Variants in XIRP2 observed in about 807,000 individuals in gnomAD.
The protein encoded by XIRP2 is xin actin binding repeat containing 2, also known as xin actin-binding repeat-containing protein 2.
A neutral mutation model predicts 277.0 loss-of-function variants in XIRP2; 236 were observed. That is an observed-to-expected ratio of 0.85 (90% confidence interval 0.77 to 0.95). The LOEUF is 0.95. XIRP2 is among the 40% of genes least tolerant of loss of function. The pLI is 0.00. For synonymous variants in XIRP2, 1,490 were observed against 1,416.5 expected (o/e 1.05, Z -1.17); for missense variants, 4,640 against 4,157.5 (o/e 1.12, Z -3.19).
intron 2 of XIRP2, among the ~76,000 whole-genome samples, chr2:167,061,498 G>T (rs1689173256): frequency 1.3e-5 from 2 of 151,886 alleles, no homozygotes; most frequent in Admixed American, 6.6e-5. Flanking sequence ...ATTTACCCTA[G>T]GTTGCTTAAT....
At chr2:167,000,778 G>T (rs1370874882) in intron 2 of XIRP2, among the ~76,000 whole-genome samples, 1 of 151,988 alleles carries the variant, frequency 6.6e-6, no homozygotes, top group African/African-American at 2.4e-5. Flanking sequence ...GGACATTACT[G>T]TGCACTTTTG....
intron 3 of XIRP2, among the ~76,000 whole-genome samples, chr2:167,195,232 G>A (rs1289157454): frequency 6.6e-6 from 1 of 152,124 alleles, no homozygotes; most frequent in Non-Finnish European, 1.5e-5. Flanking sequence ...TACACTTTCT[G>A]TTATCCTTGG....
chr2:167,147,843 C>G (rs75138337), intron 3 of XIRP2, among the ~76,000 whole-genome samples: 15,117 of 151,968 alleles, frequency 0.099, 802 homozygotes, highest in South Asian at 0.15. Context: ...AGGCTGGACA[C>G]GGGGATTTAA....
At chr2:166,927,178 T>C (rs1413126807) in intron 2 of XIRP2, among the ~76,000 whole-genome samples, 2 of 152,054 alleles carry the variant, frequency 1.3e-5, no homozygotes, top group African/African-American at 4.8e-5. Flanking sequence ...ATTAAAGAAA[T>C]AGACAAAGTC....
At chr2:166,930,418 T>C (rs754525771) in intron 2 of XIRP2, among the ~76,000 whole-genome samples, 17 of 152,136 alleles carry the variant, frequency 1.1e-4, no homozygotes, top group Non-Finnish European at 1.9e-4. Context: ...TATCCTATTA[T>C]ATCTACTAGT....
chr2:166,903,689 G>A lies in XIRP2; in HGVS notation c.207G>A (p.Glu69=). ...GTCTGCCCTACAGTACAGGGGAAGA[G>A]ATGTGGAGTTCGAAGCCGGAAGAGA... ...PTSLPYSTGE[E]MWSSKPEEKD... Residue 69 remains glutamate (E), a synonymous_variant, in exon 2 of 11, where the codon GAG becomes GAA. Coordinates refer to ENST00000409195, the MANE Select transcript of XIRP2 (RefSeq NM_152381.6). 1 of 1,613,678 alleles carries A rather than the reference G, an allele frequency of 6.2e-7. No homozygotes were observed. The highest frequency in any genetic ancestry group is 8.5e-7 in the Non-Finnish European group (1 of 1,179,800).
At chr2:166,974,381 C>T (rs980057566) in intron 2 of XIRP2, among the ~76,000 whole-genome samples, 8 of 152,062 alleles carry the variant, frequency 5.3e-5, no homozygotes, top group African/African-American at 1.9e-4. Context: ...ATATAGAACA[C>T]TACTATTTTT....
chr2:166,914,516 A>T (rs1684809379), intron 2 of XIRP2, among the ~76,000 whole-genome samples: 1 of 151,694 alleles, frequency 6.6e-6, no homozygotes, highest in African/African-American at 2.4e-5. Context: ...AATTTTTTGT[A>T]TTTTTAGTAG....
At chr2:166,947,422 A>C (rs1235300655) in intron 2 of XIRP2, among the ~76,000 whole-genome samples, 1 of 152,212 alleles carries the variant, frequency 6.6e-6, no homozygotes, top group African/African-American at 2.4e-5. Context: ...CCTCAAATGC[A>C]GAATATGGCA....
chr2:167,200,628 T>A (rs910897048), intron 3 of XIRP2, among the ~76,000 whole-genome samples: 1 of 152,234 alleles, frequency 6.6e-6, no homozygotes, highest in Non-Finnish European at 1.5e-5. Flanking sequence ...CCTGTTATAT[T>A]TATCTTTTTA....
chr2:166,913,733 T>C (rs894264250), intron 2 of XIRP2, among the ~76,000 whole-genome samples: 1 of 152,190 alleles, frequency 6.6e-6, no homozygotes, highest in East Asian at 1.9e-4. Flanking sequence ...GGGAAATAGA[T>C]ACTAGGAGAA....
chr2:166,974,708 G>C (rs1399699669), intron 2 of XIRP2, among the ~76,000 whole-genome samples: 1 of 151,820 alleles, frequency 6.6e-6, no homozygotes, highest in African/African-American at 2.4e-5. Context: ...AAATGAATCA[G>C]TATAGGAGTA....
chr2:166,920,476 T>C (rs977052595), intron 2 of XIRP2, among the ~76,000 whole-genome samples: 1 of 152,112 alleles, frequency 6.6e-6, no homozygotes, highest in South Asian at 2.1e-4. Context: ...TTCTTAAACA[T>C]TGAGTGTCCC....
chr2:167,064,363 A>C (rs1011616857), intron 2 of XIRP2, among the ~76,000 whole-genome samples: 5 of 151,916 alleles, frequency 3.3e-5, no homozygotes, highest in African/African-American at 1.2e-4. Context: ...TATATGCCGC[A>C]TAAGAATTTT....
At chr2:167,229,296 A>G (rs1478658669) in intron 5 of XIRP2, among the ~76,000 whole-genome samples, 1 of 152,150 alleles carries the variant, frequency 6.6e-6, no homozygotes, top group Non-Finnish European at 1.5e-5. Context: ...CTTTTTGTAT[A>G]ATTATATAAA....
chr2:167,098,644 C>A (rs573791512), intron 2 of XIRP2, among the ~76,000 whole-genome samples: 2 of 152,296 alleles, frequency 1.3e-5, no homozygotes, highest in South Asian at 2.1e-4. Context: ...GAATTTTCAG[C>A]CTTTTTGCAT....
rs368235986 is a variant in XIRP2, at chr2:167,135,928, G to A, written c.428G>A (p.Ser143Asn). ...YGGKEVEIER[S>N]LCSPAFKSHP... ...TAACAGGAAGTGGAAATTGAGCGAA[G>A]TTTGTGCTCGCCAGCTTTTAAGAGT... Residue 143 changes from serine (S) to asparagine (N), a missense_variant, in exon 3 of 11, where the codon AGT becomes AAT. Physicochemically the swap from Ser to Asn is conservative, Grantham distance 46. Transcript: ENST00000409195. 389 of 1,602,000 alleles carry A rather than the reference G, an allele frequency of 2.4e-4. No individual in the cohort carries two copies. The highest frequency in any genetic ancestry group is 1.7e-4 in the Non-Finnish European group (198 of 1,174,712).
At chr2:167,061,852 G>A (rs1417657039) in intron 2 of XIRP2, among the ~76,000 whole-genome samples, 4 of 151,932 alleles carry the variant, frequency 2.6e-5, no homozygotes, top group Non-Finnish European at 5.9e-5. Context: ...TGAGCCTGAT[G>A]ACAACTTGTT....
chr2:167,176,071 T>G (rs1692837019), intron 3 of XIRP2, among the ~76,000 whole-genome samples: 1 of 152,154 alleles, frequency 6.6e-6, no homozygotes, highest in Non-Finnish European at 1.5e-5. Context: ...GGGTGGGATC[T>G]GCTGAGCTAG....
Sources: gnomAD v4.1 joint callset for allele counts (sites outside exome capture counted in the v4.1 genomes callset) on GRCh38, gnomAD v4.1.1 for gene constraint, MANE v1.5 for transcripts, NCBI Gene and HGNC (gene_info 2026-07-23, HGNC 2026-07-21) for gene names.